APLP2: variants seen among roughly 807,000 people sequenced by gnomAD.
The protein encoded by APLP2 is CDEI box-binding protein.
Under a neutral mutation model 89.9 loss-of-function variants are expected in APLP2, and 53 were observed. The observed-to-expected ratio is 0.59, with a 90% CI of 0.47 to 0.74. APLP2 has a LOEUF of 0.74. Ranked by LOEUF, APLP2 falls within the 30% of genes least tolerant of loss-of-function variation. The pLI, the probability that APLP2 is intolerant of heterozygous loss-of-function variation, is 0.00. For missense variants in APLP2, 973 were observed against 975.9 expected (o/e 1.00, Z 0.04); for synonymous variants, 372 against 348.6 (o/e 1.07, Z -0.75).
chr11:130,140,343 A>G (rs1324369101), intron 13 of APLP2, 55 bp from the exon 14 acceptor site: 6 of 1,417,042 alleles, frequency 4.2e-6, no homozygotes, highest in Non-Finnish European at 5.8e-6. Context: ...CTTCTGTGCA[A>G]TGGGTGTGAG....
chr11:130,104,570 C>T (rs1006325121), intron 1 of APLP2, among the ~76,000 whole-genome samples: 6 of 152,070 alleles, frequency 3.9e-5, no homozygotes, highest in Admixed American at 1.3e-4. Context: ...TCTTGTGCAT[C>T]CTTTATACCT....
chr11:130,127,891 AC>A, intron 9 of APLP2, 51 bp downstream of exon 9: 1 of 1,529,782 alleles, frequency 6.5e-7, no homozygotes, highest in Non-Finnish European at 9.0e-7. Context: ...ATTGGAAAAT[AC>A]GGTCAGAGCC....
At chr11:130,092,611 T>C (rs1945535166) in intron 1 of APLP2, among the ~76,000 whole-genome samples, 1 of 139,396 alleles carries the variant, frequency 7.2e-6, no homozygotes, top group African/African-American at 2.7e-5. Context: ...TTGGGCAGAC[T>C]GAGGCAGGAG....
At chr11:130,135,878 C>G (rs570679091) in intron 13 of APLP2, among the ~76,000 whole-genome samples, 163 bp downstream of exon 13, 1 of 152,116 alleles carries the variant, frequency 6.6e-6, no homozygotes, top group Non-Finnish European at 1.5e-5. Context: ...GTGCAAGGAC[C>G]CTGCTAGATG....
intron 1 of APLP2, among the ~76,000 whole-genome samples, chr11:130,081,295 A>G (rs1406640143): frequency 6.6e-6 from 1 of 152,140 alleles, no homozygotes. Context: ...TCATCCCTCT[A>G]AATAGGTATT....
chr11:130,091,910 TC>T (rs1303558071), intron 1 of APLP2, among the ~76,000 whole-genome samples: 1 of 126,332 alleles, frequency 7.9e-6, no homozygotes, highest in African/African-American at 3.6e-5. Flanking sequence ...GCGGAGAGGC[TC>T]CTCACTTCTC....
At chr11:130,109,377 C>G (rs944009713) in intron 1 of APLP2, 52 bp from the exon 2 acceptor site, 92 of 1,526,524 alleles carry the variant, frequency 6.0e-5, no homozygotes, top group Non-Finnish European at 8.0e-5. Flanking sequence ...ATGACTGTTG[C>G]CTCTGTGCTA....
intron 1 of APLP2, among the ~76,000 whole-genome samples, chr11:130,084,013 G>A (rs1943685937): frequency 1.3e-5 from 2 of 152,174 alleles, no homozygotes; most frequent in South Asian, 2.1e-4. Context: ...TTGGGAGGCC[G>A]AGGCAGGCGG....
chr11:130,099,377 A>G (rs1946614178), intron 1 of APLP2, among the ~76,000 whole-genome samples: 2 of 152,266 alleles, frequency 1.3e-5, no homozygotes. Flanking sequence ...ATGTTGCACA[A>G]AAGTGAAAAC....
At chr11:130,117,204 C>T (rs970646719) in intron 3 of APLP2, among the ~76,000 whole-genome samples, 1 of 152,036 alleles carries the variant, frequency 6.6e-6, no homozygotes, top group African/African-American at 2.4e-5. Context: ...TTTTAGAGAT[C>T]GAACAGATTG....
At chr11:130,120,886 A>G in intron 4 of APLP2, 68 bp downstream of exon 4, 1 of 1,057,484 alleles carries the variant, frequency 9.5e-7, no homozygotes, top group South Asian at 1.3e-5. Flanking sequence ...ACTTTTCTCC[A>G]AATCTCACCA....
chr11:130,142,653 G>A (rs181079810), intron 16 of APLP2, among the ~76,000 whole-genome samples: 213 of 152,126 alleles, frequency 1.4e-3, no homozygotes, highest in African/African-American at 5.0e-3. Flanking sequence ...TCGCTGTGTC[G>A]CCCAGGCTGG....
chr11:130,069,907 T>A lies in APLP2; in HGVS notation c.-71T>A. On this transcript the variant is annotated 5_prime_UTR_variant, in exon 1 of 17. Transcript: ENST00000338167. ...CGAACTGGCTTTAGATGCTTCTGGG[T>A]CGCGGTGTGCTAAGCGAGGAGTCCG... The A allele has an allele frequency of 8.4e-7, 1 of 1,189,154 alleles. No homozygotes were observed. Among genetic ancestry groups the A allele is most frequent in the Non-Finnish European group, 1.2e-6 (1 of 855,962 alleles). 73.7% of individuals were successfully genotyped at this position (1,189,154 alleles called of 1,614,324 possible).
chr11:130,132,958 G>A (rs775634351), intron 11 of APLP2, among the ~76,000 whole-genome samples: 3 of 150,274 alleles, frequency 2.0e-5, no homozygotes, highest in Non-Finnish European at 2.9e-5. Flanking sequence ...CTGAACATTC[G>A]GCATTGTACA....
At chr11:130,119,131 G>A (rs961977455) in intron 3 of APLP2, among the ~76,000 whole-genome samples, 3 of 152,100 alleles carry the variant, frequency 2.0e-5, no homozygotes, top group Non-Finnish European at 4.4e-5. Flanking sequence ...CCACTAGCTG[G>A]GCCCTAAGCC....
At chr11:130,070,668 G>T (rs1940834372) in intron 1 of APLP2, 3 of 1,477,304 alleles carry the variant, frequency 2.0e-6, no homozygotes, top group South Asian at 2.6e-5. Flanking sequence ...TCCCTCTGCC[G>T]CCTGGGGCCG....
intron 1 of APLP2, among the ~76,000 whole-genome samples, chr11:130,096,282 A>G (rs1946199431): frequency 6.6e-6 from 1 of 152,202 alleles, no homozygotes; most frequent in Non-Finnish European, 1.5e-5. Context: ...GGGCTGCATC[A>G]TGGTGGGCCT....
At chr11:130,128,562 G>A (rs1488772567) in intron 9 of APLP2, among the ~76,000 whole-genome samples, 2 of 152,128 alleles carry the variant, frequency 1.3e-5, no homozygotes. Flanking sequence ...GATACCTCAC[G>A]GATAACTTGC....
chr11:130,069,904 G>C lies in APLP2; in HGVS notation c.-74G>C. ...CGGCGAACTGGCTTTAGATGCTTCT[G>C]GGTCGCGGTGTGCTAAGCGAGGAGT... On this transcript the variant is annotated 5_prime_UTR_variant, in exon 1 of 17. Coordinates refer to ENST00000338167, the MANE Select transcript of APLP2 (RefSeq NM_001142276.2). The C allele has an allele frequency of 3.5e-6, 4 of 1,158,200 alleles. No homozygotes were observed. The highest frequency in any genetic ancestry group is 1.4e-5 in the South Asian group (1 of 73,692). 71.7% of individuals were successfully genotyped at this position (1,158,200 alleles called of 1,614,324 possible). A position where few individuals can be genotyped will look rare whatever the true frequency, so the allele number is the denominator to read the frequency against.
Sources: gnomAD v4.1 joint callset for allele counts (sites outside exome capture counted in the v4.1 genomes callset) on GRCh38, gnomAD v4.1.1 for gene constraint, MANE v1.5 for transcripts, NCBI Gene and HGNC (gene_info 2026-07-23, HGNC 2026-07-21) for gene names.